Variants in ARV1 observed in about 807,000 individuals in gnomAD.
ARV1 encodes ARV1 fatty acid homeostasis modulator, also known as protein ARV1.
Under a neutral mutation model 31.1 loss-of-function variants are expected in ARV1, and 26 were observed. The ratio of observed to expected loss-of-function variants is 0.84; its 90% CI spans 0.61 to 1.16. ARV1 has a LOEUF of 1.16. Ranked by LOEUF, ARV1 falls within the 50% of genes most tolerant of loss-of-function variation. The pLI is 0.00. For missense variants in ARV1, 281 were observed against 324.9 expected (o/e 0.86, Z 1.04); for synonymous variants, 117 against 123.2 (o/e 0.95, Z 0.34).
intron 3 of ARV1, among the ~76,000 whole-genome samples, chr1:230,995,160 T>C (rs1679325136): frequency 6.6e-6 from 1 of 152,224 alleles, no homozygotes; most frequent in African/African-American, 2.4e-5. Context: ...GTTCTGACCA[T>C]AGGACACAGT....
At chr1:230,996,254 T>G (rs1679363486) in intron 4 of ARV1, among the ~76,000 whole-genome samples, 1 of 152,160 alleles carries the variant, frequency 6.6e-6, no homozygotes, top group African/African-American at 2.4e-5. Flanking sequence ...TATTTGATTT[T>G]ATGAATGAGC....
In ARV1 at chr1:230,988,400, T is replaced by C. The variant is rs746386116; in HGVS notation, c.255T>C (p.Ala85=). ...TGATTAATGCTATATTGTGCAAAGCTCAGGCCTACAGACATATTCTTTTCA... is the reference window on the plus strand; with the variant it reads ...TGATTAATGCTATATTGTGCAAAGCCCAGGCCTACAGACATATTCTTTTCA... ...IILINAILCK[A]QAYRHILFNT... The change falls in exon 2 of 6, where the codon GCT becomes GCC. Residue 85 remains alanine, a synonymous_variant. Transcript: ENST00000310256. 6.3e-7 allele frequency: 1 copy of C among 1,597,608 alleles called. No homozygotes were observed. Among genetic ancestry groups the C allele is most frequent in the Non-Finnish European group, 8.6e-7 (1 of 1,168,314 alleles).
chr1:230,986,668 A>ATTTTTTTTTTTTTTTTTTTT lies in ARV1; in HGVS notation c.175-1633_175-1614dup, dbSNP rs1162209283. ...CACCCACAAATGTAATACTTTTCCTATTTTTTTTTTTTTTTTTTTTTTTTT... is the reference window on the plus strand; with the variant it reads ...CACCCACAAATGTAATACTTTTCCTATTTTTTTTTTTTTTTTTTTTTTTTTTTTTTTTTTTTTTTTTTTTT... On this transcript the variant is annotated intron_variant, in intron 1 of 5. Coordinates refer to ENST00000310256, the MANE Select transcript of ARV1 (RefSeq NM_022786.3). Among the ~76,000 whole-genome samples, 17 of 62,354 alleles carry ATTTTTTTTTTTTTTTTTTTT rather than the reference A, an allele frequency of 2.7e-4. 2 individuals carry two copies. Among genetic ancestry groups the ATTTTTTTTTTTTTTTTTTTT allele is most frequent in the East Asian group, 6.2e-4 (1 of 1,614 alleles). The allele number at this position is 62,354 out of a possible 152,430, so 40.9% of individuals were successfully genotyped here.
intron 4 of ARV1, 123 bp from the exon 5 acceptor site, chr1:230,996,998 T>G: frequency 1.7e-6 from 2 of 1,206,388 alleles, no homozygotes. Flanking sequence ...CAGCATAGAT[T>G]AATAAGAACA....
In ARV1 at chr1:230,990,153, A is replaced by G. The variant is rs1679189618; in HGVS notation, c.338A>G (p.Tyr113Cys). 2 of 1,612,636 alleles carry G rather than the reference A, an allele frequency of 1.2e-6. No homozygotes were observed. Among genetic ancestry groups the G allele is most frequent in the African/African-American group, 2.7e-5 (2 of 74,878 alleles). ...ATATTTTGTTTGCTTTGTGAAGCAT[A>G]CCTGAGGTGGTGGCAGCTTCAAGAT... ...LCIFCLLCEA[Y>C]LRWWQLQDSN... is the part of the protein sequence containing the mutation. The change falls in exon 3 of 6, where the codon TAC (tyrosine) becomes TGC (cysteine). Residue 113 changes from tyrosine to cysteine, a missense_variant. Transcript: ENST00000310256.
chr1:230,992,837 C>T (rs1031183891), intron 3 of ARV1, among the ~76,000 whole-genome samples: 5 of 152,064 alleles, frequency 3.3e-5, no homozygotes, highest in African/African-American at 9.7e-5. Flanking sequence ...GAAAAATCTC[C>T]GCCTCCATTA....
At chr1:230,997,382 G>C in intron 5 of ARV1, 115 bp downstream of exon 5, 1 of 1,255,854 alleles carries the variant, frequency 8.0e-7, no homozygotes, top group Non-Finnish European at 1.1e-6. Flanking sequence ...GCGTCTAACT[G>C]CCTCTAGGTC....
chr1:230,982,595 A>G (rs1045882155), intron 1 of ARV1, among the ~76,000 whole-genome samples: 3 of 152,204 alleles, frequency 2.0e-5, no homozygotes, highest in Admixed American at 6.5e-5. Context: ...GGAATATTGA[A>G]TGGTGGCACA....
intron 5 of ARV1, among the ~76,000 whole-genome samples, chr1:230,999,172 C>A (rs1224759207): frequency 6.6e-6 from 1 of 152,224 alleles, no homozygotes; most frequent in Non-Finnish European, 1.5e-5. Flanking sequence ...TCTGCCAGGT[C>A]CCCTGCCTCC....
At chr1:230,986,230 A>G (rs1679062959) in intron 1 of ARV1, among the ~76,000 whole-genome samples, 1 of 152,022 alleles carries the variant, frequency 6.6e-6, no homozygotes, top group South Asian at 2.1e-4. Context: ...GCCCTGATTA[A>G]GCACATTTAA....
chr1:230,988,264 G>A (rs1679135844), intron 1 of ARV1, 56 bp from the exon 2 acceptor site: 2 of 1,489,428 alleles, frequency 1.3e-6, no homozygotes, highest in African/African-American at 2.8e-5. Flanking sequence ...TGAAATCCTT[G>A]AGGATTTCAG....
At chr1:230,989,015 A>G (rs1421734895) in intron 2 of ARV1, among the ~76,000 whole-genome samples, 1 of 152,204 alleles carries the variant, frequency 6.6e-6, no homozygotes, top group Non-Finnish European at 1.5e-5. Context: ...TGAATTTCAT[A>G]TATACCATGA....
chr1:230,979,841 C>T (rs1483602411), intron 1 of ARV1, among the ~76,000 whole-genome samples: 1 of 152,040 alleles, frequency 6.6e-6, no homozygotes, highest in Non-Finnish European at 1.5e-5. Flanking sequence ...GAGTTAAGGC[C>T]CGAATCCCTG....
intron 3 of ARV1, among the ~76,000 whole-genome samples, chr1:230,993,902 T>TA (rs1374379693): frequency 1.3e-5 from 2 of 152,158 alleles, no homozygotes; most frequent in African/African-American, 4.8e-5. Context: ...CTCAAAAAAC[T>TA]AAAAGAATAT....
chr1:230,985,253 C>T (rs1679033557), intron 1 of ARV1, among the ~76,000 whole-genome samples: 1 of 152,230 alleles, frequency 6.6e-6, no homozygotes, highest in Admixed American at 6.5e-5. Context: ...CAGCATATCA[C>T]ATACTACCAG....
rs778567340 is a variant in ARV1 at position 230,979,206 on chromosome 1, G to A, written c.101G>A (p.Cys34Tyr). The A allele has an allele frequency of 1.2e-6, 2 of 1,613,672 alleles. No individual in the cohort carries two copies. The highest frequency in any genetic ancestry group is 4.5e-5 in the East Asian group (2 of 44,818). Reference protein sequence around the residue: ...TAASASCQYRCIECNQEAKEL... With the variant: ...TAASASCQYRYIECNQEAKEL... Reference sequence around the variant, plus strand: ...GCCTCGGCCTCCTGCCAGTACAGGTGCATCGAATGCAACCAGGAGGCCAAA... The same window carrying A: ...GCCTCGGCCTCCTGCCAGTACAGGTACATCGAATGCAACCAGGAGGCCAAA... Residue 34 changes from cysteine (C) to tyrosine (Y), a missense_variant, in exon 1 of 6, where the codon TGC becomes TAC. Transcript: ENST00000310256.
intron 3 of ARV1, 89 bp from the exon 4 acceptor site, chr1:230,995,671 C>G (rs1679339816): frequency 2.2e-6 from 2 of 920,468 alleles, no homozygotes; most frequent in Non-Finnish European, 3.3e-6. Context: ...AGCTGATAAG[C>G]TGTATTTTAG....
chr1:230,993,083 ATTTT>A (rs1326905063), intron 3 of ARV1, among the ~76,000 whole-genome samples: 2 of 152,058 alleles, frequency 1.3e-5, no homozygotes, highest in African/African-American at 4.8e-5. Context: ...CCTCTTAAAA[ATTTT>A]TTTTAATTTT....
At chr1:230,979,869 C>T (rs946988950) in intron 1 of ARV1, among the ~76,000 whole-genome samples, 1 of 152,042 alleles carries the variant, frequency 6.6e-6, no homozygotes, top group Admixed American at 6.5e-5. Flanking sequence ...TTATAAGGCC[C>T]TATGGAGTCT....
Sources: allele counts gnomAD v4.1 joint callset (sites outside exome capture counted in the v4.1 genomes callset), GRCh38; gene constraint gnomAD v4.1.1; transcripts MANE v1.5; gene names NCBI Gene and HGNC (gene_info 2026-07-23, HGNC 2026-07-21).